Variants in KCND3 observed in about 807,000 individuals in gnomAD.
KCND3 encodes potassium voltage-gated channel subfamily D member 3, also known as A-type voltage-gated potassium channel KCND3.
A neutral mutation model predicts 51.1 loss-of-function variants in KCND3; 9 were observed. The observed-to-expected ratio is 0.18, with a 90% CI of 0.11 to 0.31. The LOEUF is 0.31. Ranked by LOEUF, KCND3 falls within the 10% of genes least tolerant of loss-of-function variation. The pLI, the probability that KCND3 is intolerant of heterozygous loss-of-function variation, is 1.00. For missense variants in KCND3, 526 were observed against 903.8 expected, an observed-to-expected ratio of 0.58 and a Z score of 5.36; for synonymous variants, 349 against 368.0, an observed-to-expected ratio of 0.95 and a Z score of 0.59.
chr1:111,876,013 C>T (rs1053334407), intron 2 of KCND3, among the ~76,000 whole-genome samples: 5 of 152,126 alleles, frequency 3.3e-5, no homozygotes, highest in South Asian at 4.1e-4. Context: ...GTGTAGGTAC[C>T]GGAGAGGCAG....
intron 2 of KCND3, among the ~76,000 whole-genome samples, chr1:111,908,011 GA>G (rs1670729241): frequency 6.6e-6 from 1 of 152,118 alleles, no homozygotes; most frequent in Non-Finnish European, 1.5e-5. Flanking sequence ...GCCTCCTAGG[GA>G]CTAAGGACTA....
At chr1:111,820,468 G>A (rs893088514) in intron 2 of KCND3, among the ~76,000 whole-genome samples, 5 of 152,230 alleles carry the variant, frequency 3.3e-5, no homozygotes, top group East Asian at 1.9e-4. Context: ...GCCAACATGC[G>A]CCTGTTGCCT....
intron 2 of KCND3, among the ~76,000 whole-genome samples, chr1:111,943,423 A>T (rs1320220834): frequency 6.6e-6 from 1 of 152,132 alleles, no homozygotes; most frequent in African/African-American, 2.4e-5. Flanking sequence ...AGCTGGAGGA[A>T]ACTTAAGACA....
chr1:111,911,354 C>T (rs766232421), intron 2 of KCND3, among the ~76,000 whole-genome samples: 25 of 152,144 alleles, frequency 1.6e-4, no homozygotes, highest in Non-Finnish European at 2.4e-4. Flanking sequence ...GCAAGGTACA[C>T]GGAGGAGTAG....
At chr1:111,962,807 T>C (rs1673737092) in intron 2 of KCND3, among the ~76,000 whole-genome samples, 1 of 152,208 alleles carries the variant, frequency 6.6e-6, no homozygotes, top group Non-Finnish European at 1.5e-5. Context: ...TATTGAAAGG[T>C]AGAATCTGTT....
chr1:111,789,260 G>A (rs532100362), intron 2 of KCND3, among the ~76,000 whole-genome samples: 12 of 152,364 alleles, frequency 7.9e-5, no homozygotes, highest in African/African-American at 2.4e-4. Flanking sequence ...GGGGCAGATG[G>A]TCTGCTAGTG....
intron 2 of KCND3, among the ~76,000 whole-genome samples, chr1:111,866,712 G>A (rs1005041193): frequency 5.3e-5 from 8 of 151,954 alleles, no homozygotes; most frequent in East Asian, 1.9e-4. Flanking sequence ...CAGTAGGATC[G>A]CTTGAGGTCA....
intron 2 of KCND3, among the ~76,000 whole-genome samples, chr1:111,853,173 T>G (rs1285695667): frequency 2.0e-5 from 3 of 152,236 alleles, no homozygotes; most frequent in Admixed American, 2.0e-4. Flanking sequence ...GAGCCCATTG[T>G]GCTTGGTGGA....
chr1:111,930,182 A>G (rs542271514), intron 2 of KCND3, among the ~76,000 whole-genome samples: 1 of 152,026 alleles, frequency 6.6e-6, no homozygotes, highest in Non-Finnish European at 1.5e-5. Flanking sequence ...CTAAGCAGTA[A>G]GTTGTGTTCA....
Position 111,982,427 on chromosome 1 carries a change from C to G in KCND3, c.300G>C (p.Thr100=), listed in dbSNP as rs769492525. The change falls in exon 2 of 8, where the codon ACG becomes ACC. Residue 100 remains threonine (T), a synonymous_variant. Coordinates refer to ENST00000302127, the MANE Select transcript of KCND3 (RefSeq NM_001378969.1). The surrounding 1 kb of genome is among the most constrained non-coding windows in gnomAD (Gnocchi z 8.5). ...CGTAGCGCGGGTAGTGCAGCTTCCC[C>G]GTGCGGTAGAAGTTGAGCACGCAGC... is the stretch of plus-strand genomic sequence containing the variant. ...VFRCVLNFYR[T]GKLHYPRYEC... is the part of the protein sequence containing the mutation. 8 of 1,613,960 alleles carry G rather than the reference C, an allele frequency of 5.0e-6. No individual in the cohort carries two copies. The South Asian group carries it at 8.8e-5, about 18-fold the overall frequency.
At position 111,838,010 on chromosome 1, in the gene KCND3, C is replaced by T. The variant is rs567696026; in HGVS notation, c.1107-50904G>A. 1.7e-3 allele frequency among the ~76,000 whole-genome samples: 261 copies of T among 152,242 alleles called. 2 individuals carry two copies. The highest frequency in any genetic ancestry group is 5.4e-3 in the African/African-American group (225 of 41,530). ...CCGAGGGCACATATGATCCACATAA[C>T]GCGTCACTGTCGAGGTCAACCTTGC... On this transcript the variant is annotated intron_variant, in intron 2 of 7. Transcript: ENST00000302127.
intron 2 of KCND3, among the ~76,000 whole-genome samples, chr1:111,846,418 T>TGCTGCTG (rs1667551736): frequency 1.3e-5 from 2 of 150,714 alleles, no homozygotes; most frequent in African/African-American, 4.9e-5. Flanking sequence ...CATGACACTC[T>TGCTGCTG]CTGCTGCTGC....
intron 2 of KCND3, among the ~76,000 whole-genome samples, chr1:111,833,621 T>A (rs573234372): frequency 6.6e-6 from 1 of 152,194 alleles, no homozygotes; most frequent in African/African-American, 2.4e-5. Context: ...GCTGTCCAAA[T>A]GTTGGTGGTG....
chr1:111,934,939 T>C (rs997747380), intron 2 of KCND3, among the ~76,000 whole-genome samples: 1 of 152,224 alleles, frequency 6.6e-6, no homozygotes, highest in African/African-American at 2.4e-5. Context: ...TGGCATGTGG[T>C]TGGCACTCAA....
chr1:111,809,454 G>A (rs1243205657), intron 2 of KCND3, among the ~76,000 whole-genome samples: 5 of 151,832 alleles, frequency 3.3e-5, no homozygotes, highest in East Asian at 1.9e-4. Context: ...GACTACAGGC[G>A]CCCACCACCA....
rs181186591 is a variant in KCND3, at chr1:111,930,478, C to T, written c.1106+51143G>A. On this transcript the variant is annotated intron_variant, in intron 2 of 7. Transcript: ENST00000302127. ...ATGCTGGTTGGATGGATAACTGAAT[C>T]AGTGTCTGAGCAGTAGACCAAGAAG... 3.4e-4 allele frequency among the ~76,000 whole-genome samples: 52 copies of T among 152,328 alleles called. 1 individual carries two copies. The East Asian group carries it at 9.5e-3, about 28-fold the overall frequency.
At chr1:111,870,661 T>C (rs566343947) in intron 2 of KCND3, among the ~76,000 whole-genome samples, 1 of 151,814 alleles carries the variant, frequency 6.6e-6, no homozygotes, top group Non-Finnish European at 1.5e-5. Context: ...TATAAGCCAA[T>C]AAATATGATG....
At chr1:111,776,573 C>T (rs576243791) in intron 7 of KCND3, among the ~76,000 whole-genome samples, 14 of 152,170 alleles carry the variant, frequency 9.2e-5, no homozygotes, top group African/African-American at 2.4e-4. Flanking sequence ...TTCTCTGCAA[C>T]GCATTTGGAG....
At chr1:111,898,447 C>T (rs1670227722) in intron 2 of KCND3, among the ~76,000 whole-genome samples, 1 of 152,210 alleles carries the variant, frequency 6.6e-6, no homozygotes, top group South Asian at 2.1e-4. Flanking sequence ...TTGACATTGA[C>T]TGCACCAGGT....
Sources: allele counts gnomAD v4.1 joint callset (sites outside exome capture counted in the v4.1 genomes callset), GRCh38; gene constraint gnomAD v4.1.1; non-coding constraint Gnocchi (gnomAD v3.1); transcripts MANE v1.5; gene names NCBI Gene and HGNC (gene_info 2026-07-23, HGNC 2026-07-21).